UVRAG: variants seen among roughly 807,000 people sequenced by gnomAD.
The protein encoded by UVRAG is UV radiation resistance associated.
UVRAG carries 19 observed loss-of-function variants against 78.0 expected under a neutral mutation model. That is an observed-to-expected ratio of 0.24 (90% CI 0.17 to 0.36). The LOEUF is 0.36. Ranked by LOEUF, UVRAG falls within the 10% of genes least tolerant of loss-of-function variation. The probability of loss-of-function intolerance (pLI) is 1.00; values close to 1 mark genes in which losing one functional copy is unlikely to be tolerated. For missense variants in UVRAG, 740 were observed against 853.8 expected (o/e 0.87, Z 1.66); for synonymous variants, 323 against 324.6 (o/e 1.00, Z 0.05).
intron 8 of UVRAG, among the ~76,000 whole-genome samples, chr11:75,993,691 A>G (rs1949655103): frequency 6.6e-6 from 1 of 152,208 alleles, no homozygotes; most frequent in Non-Finnish European, 1.5e-5. Context: ...AGTAGAATGT[A>G]GGTTTCTTAT....
At chr11:76,085,323 A>G (rs1366169448) in intron 13 of UVRAG, among the ~76,000 whole-genome samples, 1 of 152,152 alleles carries the variant, frequency 6.6e-6, no homozygotes, top group Non-Finnish European at 1.5e-5. Flanking sequence ...AGAACTGATA[A>G]CTTTTTTTAA....
chr11:76,004,478 G>T (rs1230533929), intron 9 of UVRAG, among the ~76,000 whole-genome samples: 2 of 151,680 alleles, frequency 1.3e-5, no homozygotes, highest in Non-Finnish European at 2.9e-5. Context: ...TCAGCAACTA[G>T]ATTATCTCTC....
In UVRAG at chr11:75,861,651, C is replaced by G. The variant is rs565513377; in HGVS notation, c.236-95C>G. On this transcript the variant is annotated intron_variant, in intron 2 of 14. Transcript: ENST00000356136. Reference sequence around the variant, plus strand: ...CCTTGAAAATATTTTAAATGTTTTACTGCAACATATGTTAAAAAAATTAGA... The same window carrying G: ...CCTTGAAAATATTTTAAATGTTTTAGTGCAACATATGTTAAAAAAATTAGA... The G allele has an allele frequency of 8.7e-5, 67 of 769,002 alleles. No homozygotes were observed. The East Asian group carries it at 1.2e-3, about 14-fold the overall frequency. 47.6% of individuals were successfully genotyped at this position (769,002 alleles called of 1,614,324 possible). A position where few individuals can be genotyped will look rare whatever the true frequency, so the allele number is the denominator to read the frequency against.
intron 1 of UVRAG, among the ~76,000 whole-genome samples, chr11:75,821,232 A>G (rs1041736071): frequency 3.9e-5 from 6 of 152,164 alleles, no homozygotes; most frequent in Admixed American, 2.6e-4. Flanking sequence ...AGGTTCATCC[A>G]TGTTGCAGGG....
chr11:75,821,845 G>A (rs967194684), intron 1 of UVRAG, among the ~76,000 whole-genome samples: 48 of 151,862 alleles, frequency 3.2e-4, no homozygotes, highest in African/African-American at 1.1e-3. Context: ...TTTTTCTTAT[G>A]ATTAGACTAG....
intron 12 of UVRAG, among the ~76,000 whole-genome samples, chr11:76,034,460 A>G (rs1470893378): frequency 3.9e-5 from 6 of 152,088 alleles, no homozygotes; most frequent in Non-Finnish European, 8.8e-5. Context: ...TGGCCTCCCA[A>G]AGTGCTGGGA....
intron 14 of UVRAG, among the ~76,000 whole-genome samples, chr11:76,117,511 A>G (rs779677389): frequency 6.6e-6 from 1 of 152,226 alleles, no homozygotes; most frequent in African/African-American, 2.4e-5. Context: ...TGTAATTTCT[A>G]AAAGTGTTGT....
rs1307271397 is a variant in UVRAG, at chr11:76,004,158, C to T, written c.911+69C>T. The T allele has an allele frequency of 1.7e-5, 26 of 1,488,738 alleles. No individual in the cohort carries two copies. The Admixed American group carries it at 4.4e-4, about 25-fold the overall frequency. The allele number at this position is 1,488,738 out of a possible 1,614,324, so 92.2% of individuals were successfully genotyped here. On this transcript the variant is annotated intron_variant, in intron 9 of 14. Transcript: ENST00000356136. ...TGCGAGGATAGATTTGAAAAAGTAGCATTCTTTAAAGCTGCTGGTATTAAT... is the reference window on the plus strand; with the variant it reads ...TGCGAGGATAGATTTGAAAAAGTAGTATTCTTTAAAGCTGCTGGTATTAAT...
chr11:75,857,721 C>T (rs1218062652), intron 2 of UVRAG, among the ~76,000 whole-genome samples: 1 of 151,780 alleles, frequency 6.6e-6, no homozygotes, highest in Non-Finnish European at 1.5e-5. Flanking sequence ...ATCTCTTGAC[C>T]TCGTGATCCA....
chr11:75,831,836 G>A (rs532761315), intron 1 of UVRAG, among the ~76,000 whole-genome samples: 20 of 152,264 alleles, frequency 1.3e-4, no homozygotes, highest in African/African-American at 4.8e-4. Flanking sequence ...CTAACCTCTC[G>A]AACACCGTAG....
At chr11:75,834,142 T>C (rs1314573977) in intron 1 of UVRAG, among the ~76,000 whole-genome samples, 1 of 152,204 alleles carries the variant, frequency 6.6e-6, no homozygotes, top group East Asian at 1.9e-4. Flanking sequence ...GTTCAGGATA[T>C]AGTCTAGGGT....
At chr11:76,102,873 C>G (rs560997870) in intron 13 of UVRAG, among the ~76,000 whole-genome samples, 1 of 152,286 alleles carries the variant, frequency 6.6e-6, no homozygotes, top group African/African-American at 2.4e-5. Flanking sequence ...GCTGGTTTCT[C>G]TGCTCAGGGT....
At chr11:76,025,578 C>A (rs548174611) in intron 12 of UVRAG, among the ~76,000 whole-genome samples, 12 of 152,238 alleles carry the variant, frequency 7.9e-5, no homozygotes, top group Non-Finnish European at 1.2e-4. Context: ...ATTATTGGAA[C>A]TTAGAGAAAT....
chr11:76,073,164 C>T (rs1269206547), intron 13 of UVRAG, among the ~76,000 whole-genome samples: 2 of 151,982 alleles, frequency 1.3e-5, no homozygotes, highest in Non-Finnish European at 2.9e-5. Context: ...AATCATGACC[C>T]CTGAGTGCAC....
rs1952724251 is a variant in UVRAG, at chr11:76,141,565, C to T, written c.*152C>T. ...AGACTTTGGGAATGAAGGAGGGACT[C>T]AGGATCATTGTTATCAGTGGGCCAA... On this transcript the variant is annotated 3_prime_UTR_variant, in exon 15 of 15. Transcript: ENST00000356136. 1 of 835,388 alleles carries T rather than the reference C, an allele frequency of 1.2e-6. No homozygotes were observed. The highest frequency in any genetic ancestry group is 1.9e-5 in the South Asian group (1 of 53,746). The allele number at this position is 835,388 out of a possible 1,614,324, so 51.7% of individuals were successfully genotyped here.
intron 6 of UVRAG, among the ~76,000 whole-genome samples, chr11:75,915,570 A>T (rs995899480): frequency 7.9e-5 from 12 of 152,194 alleles, no homozygotes; most frequent in Admixed American, 7.2e-4. Context: ...TTATTCCTTA[A>T]CTAGCATTTG....
At chr11:75,957,579 A>G (rs1948826025) in intron 6 of UVRAG, among the ~76,000 whole-genome samples, 1 of 152,138 alleles carries the variant, frequency 6.6e-6, no homozygotes, top group South Asian at 2.1e-4. Context: ...TCAAAAAAAA[A>G]TCCTTTGGGA....
At chr11:76,137,824 C>G (rs1591276041) in intron 14 of UVRAG, 1 of 247,064 alleles carries the variant, frequency 4.0e-6, no homozygotes, top group East Asian at 9.7e-5. Context: ...GGGAGGATCC[C>G]TTAAGGCCAG....
intron 14 of UVRAG, among the ~76,000 whole-genome samples, chr11:76,119,655 C>CA (rs1430692186): frequency 1.3e-5 from 2 of 152,202 alleles, no homozygotes; most frequent in Admixed American, 1.3e-4. Context: ...TAATCTTATT[C>CA]ATCAGCAAGC....
Sources: gnomAD v4.1 joint callset for allele counts (sites outside exome capture counted in the v4.1 genomes callset) on GRCh38, gnomAD v4.1.1 for gene constraint, MANE v1.5 for transcripts, NCBI Gene and HGNC (gene_info 2026-07-23, HGNC 2026-07-21) for gene names.